The following ARNT2 variants were observed in gnomAD, a reference collection of about 807,000 sequenced individuals.
ARNT2 encodes ARNT protein 2.
ARNT2 carries 36 observed loss-of-function variants against 91.7 expected under a neutral mutation model. That is an observed-to-expected ratio of 0.39 (90% CI 0.30 to 0.52). The LOEUF (loss-of-function observed/expected upper bound fraction) is 0.52. Among genes scored for constraint, ARNT2 ranks in the 20% least tolerant of loss-of-function variants. The probability of loss-of-function intolerance (pLI) is 0.72; values close to 1 mark genes in which losing one functional copy is unlikely to be tolerated. For missense variants in ARNT2, 775 were observed against 939.3 expected (o/e 0.83, Z 2.29); for synonymous variants, 365 against 347.1 (o/e 1.05, Z -0.57).
chr15:80,489,689 A>G (rs1277431793), intron 5 of ARNT2, among the ~76,000 whole-genome samples: 1 of 152,174 alleles, frequency 6.6e-6, no homozygotes, highest in Admixed American at 6.5e-5. Flanking sequence ...AGCCCTTTCT[A>G]CACTGGAACA....
intron 5 of ARNT2, among the ~76,000 whole-genome samples, chr15:80,483,795 A>G (rs528316013): frequency 2.0e-5 from 3 of 152,302 alleles, no homozygotes; most frequent in South Asian, 4.1e-4. Context: ...TGCCTGGGAA[A>G]ATAGCTGCCA....
At chr15:80,453,505 T>A (rs1261859615) in intron 2 of ARNT2, among the ~76,000 whole-genome samples, 1 of 152,182 alleles carries the variant, frequency 6.6e-6, no homozygotes, top group South Asian at 2.1e-4. Flanking sequence ...GCATCTGACG[T>A]TTTTACATGT....
chr15:80,519,022 T>C (rs1897488515), intron 8 of ARNT2, among the ~76,000 whole-genome samples: 1 of 152,216 alleles, frequency 6.6e-6, no homozygotes, highest in Non-Finnish European at 1.5e-5. Context: ...TTGTACATTT[T>C]AAAACACATT....
At chr15:80,504,212 C>T (rs147288684) in intron 5 of ARNT2, among the ~76,000 whole-genome samples, 127 of 152,354 alleles carry the variant, frequency 8.3e-4, no homozygotes, top group Admixed American at 2.7e-3. Flanking sequence ...CCGCAGCTCT[C>T]CAATCCCTTT....
At chr15:80,527,240 T>C (rs1897653377) in intron 8 of ARNT2, among the ~76,000 whole-genome samples, 1 of 152,170 alleles carries the variant, frequency 6.6e-6, no homozygotes, top group Admixed American at 6.5e-5. Context: ...TTCCTGTTCT[T>C]AAGGAGCTCA....
At chr15:80,474,455 C>T (rs751104092) in intron 4 of ARNT2, among the ~76,000 whole-genome samples, 1 of 152,174 alleles carries the variant, frequency 6.6e-6, no homozygotes, top group Middle Eastern at 3.2e-3. Context: ...TAAGGGGATA[C>T]TCTTATAGCC....
intron 10 of ARNT2, among the ~76,000 whole-genome samples, chr15:80,553,884 T>C (rs1898128693): frequency 6.6e-6 from 1 of 152,222 alleles, no homozygotes; most frequent in Admixed American, 6.5e-5. Context: ...TAGATTCATA[T>C]AAACCTCGAG....
intron 5 of ARNT2, among the ~76,000 whole-genome samples, chr15:80,503,924 A>G (rs566823775): frequency 6.6e-6 from 1 of 152,352 alleles, no homozygotes; most frequent in Non-Finnish European, 1.5e-5. Context: ...TGAGAAGGGA[A>G]GGCTGCAAGT....
At position 80,552,698 on chromosome 15, in the gene ARNT2, T is replaced by C; in HGVS notation, c.1013T>C (p.Leu338Ser). 1 of 1,614,164 alleles carries C rather than the reference T, an allele frequency of 6.2e-7. No homozygotes were observed. The highest frequency in any genetic ancestry group is 8.5e-7 in the Non-Finnish European group (1 of 1,180,012). ...MNGMSVPTEF[L>S]SRHNSDGIIT... ...GGGATGTCGGTGCCCACAGAGTTCT[T>C]ATCCCGGCATAACTCCGATGGAATC... Residue 338 changes from leucine to serine, a missense_variant, in exon 10 of 19, where the codon TTA (leucine) becomes TCA (serine). By Grantham distance (145) the Leu-to-Ser change is moderately radical. Transcript: ENST00000303329.
In ARNT2 at chr15:80,470,419, C is replaced by A; in HGVS notation, c.396C>A (p.Phe132Leu). Residue 132 changes from phenylalanine to leucine, a missense_variant, in exon 4 of 19, where the codon TTC (phenylalanine) becomes TTA (leucine). By Grantham distance (22) the Phe-to-Leu change is conservative. Transcript: ENST00000303329. ...KSTDGAYKPSFLTEQELKHLI... is the reference protein window; with the variant it reads ...KSTDGAYKPSLLTEQELKHLI... ...CCGATGGCGCGTACAAGCCTTCCTT[C>A]CTCACAGAGCAGGTACCCTGGTCAT... 1 of 1,614,164 alleles carries A rather than the reference C, an allele frequency of 6.2e-7. No individual in the cohort carries two copies. Among genetic ancestry groups the A allele is most frequent in the Non-Finnish European group, 8.5e-7 (1 of 1,180,026 alleles).
Position 80,593,581 on chromosome 15 carries a change from CTT to C in ARNT2, c.2056-16_2056-15del. 1 of 1,565,598 alleles carries C rather than the reference CTT, an allele frequency of 6.4e-7. No homozygotes were observed. The highest frequency in any genetic ancestry group is 1.4e-5 in the African/African-American group (1 of 74,038). On this transcript the variant is annotated splice_polypyrimidine_tract_variant and intron_variant, in intron 18 of 18. Coordinates refer to ENST00000303329, the MANE Select transcript of ARNT2 (RefSeq NM_014862.4). ...GAGGAGCTGACTCCCCTGTGGCTCT[CTT>C]TTCCTCTCCTCTGCAGGACATGCTG...
At chr15:80,433,237 A>ATTTTATTTTATTTTATTTTATTTTAT (rs1567178255) in intron 1 of ARNT2, among the ~76,000 whole-genome samples, 52 of 31,160 alleles carry the variant, frequency 1.7e-3, no homozygotes, top group East Asian at 6.1e-3. Context: ...TATTTTATTT[A>ATTTTATTTTATTTTATTTTATTTTAT]TTTTATTTTA....
chr15:80,438,759 G>A (rs548145755), intron 1 of ARNT2, among the ~76,000 whole-genome samples: 1 of 152,214 alleles, frequency 6.6e-6, no homozygotes, highest in Non-Finnish European at 1.5e-5. Context: ...GTGCAATCTC[G>A]GCCCACTACG....
intron 8 of ARNT2, among the ~76,000 whole-genome samples, chr15:80,522,760 CAT>C (rs60138286): frequency 0.11 from 15,256 of 144,290 alleles, 779 homozygotes; most frequent in South Asian, 0.18. Context: ...TGTACATACA[CAT>C]ATATATATAT....
chr15:80,580,048 G>A (rs1300784914), intron 15 of ARNT2: 1 of 193,416 alleles, frequency 5.2e-6, no homozygotes, highest in Non-Finnish European at 1.1e-5. Context: ...CAGTGGGACT[G>A]ATTTTTATTC....
In ARNT2 at chr15:80,596,950, A is replaced by ATACTC; in HGVS notation, c.*3252_*3253insTACTC. 5.6e-6 allele frequency: 2 copies of ATACTC among 354,606 alleles called. No individual in the cohort carries two copies. Among genetic ancestry groups the ATACTC allele is most frequent in the Non-Finnish European group, 1.1e-5 (2 of 179,678 alleles). 22.0% of individuals were successfully genotyped at this position (354,606 alleles called of 1,614,324 possible). On this transcript the variant is annotated 3_prime_UTR_variant, in exon 19 of 19. Coordinates refer to ENST00000303329, the MANE Select transcript of ARNT2 (RefSeq NM_014862.4). ...CAGTTTTATTTTTAGCTTTGGCTTC[A>ATACTC]GGGAGTGACAGCCATCACAAATAGC... is the stretch of plus-strand genomic sequence containing the variant.
chr15:80,483,057 C>T (rs186856724), intron 5 of ARNT2, among the ~76,000 whole-genome samples: 24 of 152,282 alleles, frequency 1.6e-4, no homozygotes, highest in Admixed American at 1.4e-3. Flanking sequence ...TATAGAACTC[C>T]ATGCACATGT....
At chr15:80,588,941 G>A (rs1893224396) in intron 17 of ARNT2, among the ~76,000 whole-genome samples, 1 of 152,152 alleles carries the variant, frequency 6.6e-6, no homozygotes, top group Non-Finnish European at 1.5e-5. Context: ...TCCAGTGTGT[G>A]TACAGTACCA....
At chr15:80,534,759 C>A (rs1005431620) in intron 8 of ARNT2, among the ~76,000 whole-genome samples, 1 of 152,214 alleles carries the variant, frequency 6.6e-6, no homozygotes, top group African/African-American at 2.4e-5. Context: ...CTGCAGTGGA[C>A]GTCCTCGCAT....
Sources: allele counts gnomAD v4.1 joint callset (sites outside exome capture counted in the v4.1 genomes callset), GRCh38; gene constraint gnomAD v4.1.1; transcripts MANE v1.5; gene names NCBI Gene and HGNC (gene_info 2026-07-23, HGNC 2026-07-21).